Variants in GABRA4 observed in about 807,000 individuals in gnomAD.
GABRA4 encodes the protein gamma-aminobutyric acid type A receptor subunit alpha4.
A neutral mutation model predicts 49.7 loss-of-function variants in GABRA4; 12 were observed. The observed-to-expected ratio is 0.24, with a 90% CI of 0.15 to 0.39. GABRA4 has a LOEUF of 0.39. GABRA4 is among the 10% of genes least tolerant of loss of function. The pLI is 1.00. For missense variants in GABRA4, 506 were observed against 686.0 expected, an observed-to-expected ratio of 0.74 and a Z score of 2.93; for synonymous variants, 288 against 240.2, an observed-to-expected ratio of 1.20 and a Z score of -1.84.
At chr4:46,948,158 A>G (rs1310084388) in intron 8 of GABRA4, among the ~76,000 whole-genome samples, 1 of 152,150 alleles carries the variant, frequency 6.6e-6, no homozygotes, top group African/African-American at 2.4e-5. Context: ...ACAGCACCCT[A>G]AAATTATTCT....
At chr4:46,951,860 A>C (rs149621858) in intron 8 of GABRA4, among the ~76,000 whole-genome samples, 48 of 151,810 alleles carry the variant, frequency 3.2e-4, no homozygotes, top group African/African-American at 1.1e-3. Context: ...ATCCACATTA[A>C]ACTGACTGTA....
intron 5 of GABRA4, among the ~76,000 whole-genome samples, chr4:46,976,065 T>C (rs1239605399): frequency 6.6e-6 from 1 of 151,886 alleles, no homozygotes; most frequent in African/African-American, 2.4e-5. Context: ...CATCTATTTT[T>C]AGTAGATTCT....
intron 8 of GABRA4, among the ~76,000 whole-genome samples, chr4:46,930,634 CA>C (rs1234772767): frequency 1.4e-5 from 2 of 138,216 alleles, no homozygotes; most frequent in East Asian, 2.2e-4. Context: ...GAAAGAAATA[CA>C]TTTTTTTTTC....
chr4:46,942,244 C>G (rs1435960994), intron 8 of GABRA4, among the ~76,000 whole-genome samples: 1 of 152,122 alleles, frequency 6.6e-6, no homozygotes, highest in Admixed American at 6.6e-5. Flanking sequence ...AATCTGTGAG[C>G]TCTTCCAGCA....
At chr4:46,972,075 T>G (rs1050020821) in intron 6 of GABRA4, among the ~76,000 whole-genome samples, 3 of 151,646 alleles carry the variant, frequency 2.0e-5, no homozygotes, top group African/African-American at 7.2e-5. Flanking sequence ...CTACCAGATG[T>G]GTTCTAAATC....
At position 46,919,726 on chromosome 4, in the gene GABRA4, C is replaced by A. The variant is rs931945493; in HGVS notation, c.*8499G>T. On this transcript the variant is annotated 3_prime_UTR_variant, in exon 9 of 9. Coordinates refer to ENST00000264318, the MANE Select transcript of GABRA4 (RefSeq NM_000809.4). ...TTGTACAACACTTCAGCTGAGAAAT[C>A]AAAGAAAAGCTTTATTTCTTCTGGA... is the stretch of plus-strand genomic sequence containing the variant. 2 of 151,498 alleles carry A rather than the reference C, an allele frequency of 1.3e-5. No homozygotes were observed. The highest frequency in any genetic ancestry group is 4.8e-5 in the African/African-American group (2 of 41,380). 9.4% of individuals were successfully genotyped at this position (151,498 alleles called of 1,614,324 possible). A position where few individuals can be genotyped will look rare whatever the true frequency, so the allele number is the denominator to read the frequency against.
At chr4:46,967,693 G>T (rs563442940) in intron 7 of GABRA4, among the ~76,000 whole-genome samples, 1 of 151,452 alleles carries the variant, frequency 6.6e-6, no homozygotes, top group African/African-American at 2.4e-5. Context: ...TGGCTTAGCC[G>T]GCATCTACCC....
rs1354552419 is a variant in GABRA4, at chr4:46,974,244, T to C, written c.709A>G (p.Lys237Glu). Residue 237 changes from lysine to glutamate, a missense_variant, in exon 6 of 9, where the codon AAA (lysine) becomes GAA (glutamate). Coordinates refer to ENST00000264318, the MANE Select transcript of GABRA4 (RefSeq NM_000809.4). ...TTACACATCTCACCCGTAATTGATT[T>C]GATGGTTTCACTTGATACGGTTTGC... Reference protein sequence around the residue: ...IGQTVSSETIKSITGEYIVMT... With the variant: ...IGQTVSSETIESITGEYIVMT... The C allele has an allele frequency of 1.9e-6, 3 of 1,610,556 alleles. No individual in the cohort carries two copies. Among genetic ancestry groups the C allele is most frequent in the Admixed American group, 1.7e-5 (1 of 59,746 alleles).
At chr4:46,990,522 C>T (rs1032074645) in intron 2 of GABRA4, among the ~76,000 whole-genome samples, 1 of 152,138 alleles carries the variant, frequency 6.6e-6, no homozygotes, top group East Asian at 1.9e-4. Context: ...AATATAGTTT[C>T]AGTTCTAACT....
intron 8 of GABRA4, among the ~76,000 whole-genome samples, chr4:46,946,832 C>A (rs545339325): frequency 2.0e-5 from 3 of 152,096 alleles, no homozygotes; most frequent in South Asian, 2.1e-4. Context: ...CTTTTGAACA[C>A]AAAGCAATAA....
At chr4:46,952,849 TAAATA>T (rs1379572740) in intron 8 of GABRA4, among the ~76,000 whole-genome samples, 1 of 152,066 alleles carries the variant, frequency 6.6e-6, no homozygotes, top group East Asian at 1.9e-4. Flanking sequence ...GATTATAAAA[TAAATA>T]AAATATTGAA....
At chr4:46,985,899 A>C (rs1405243267) in intron 2 of GABRA4, among the ~76,000 whole-genome samples, 1 of 151,948 alleles carries the variant, frequency 6.6e-6, no homozygotes, top group Non-Finnish European at 1.5e-5. Context: ...TCTAATGTTA[A>C]ATATCCTGTA....
intron 8 of GABRA4, among the ~76,000 whole-genome samples, chr4:46,941,865 G>A (rs1041213161): frequency 1.3e-4 from 20 of 152,078 alleles, no homozygotes; most frequent in Non-Finnish European, 2.5e-4. Context: ...GGCTTAAAAG[G>A]TTTCCTCTGG....
intron 6 of GABRA4, among the ~76,000 whole-genome samples, chr4:46,973,605 T>A (rs980853519): frequency 1.3e-5 from 2 of 151,822 alleles, no homozygotes; most frequent in Admixed American, 6.6e-5. Flanking sequence ...GATATGTGTA[T>A]GTAAGGAACA....
At chr4:46,961,775 A>G (rs1485369050) in intron 8 of GABRA4, among the ~76,000 whole-genome samples, 1 of 151,860 alleles carries the variant, frequency 6.6e-6, no homozygotes, top group Non-Finnish European at 1.5e-5. Flanking sequence ...GGTTCAAAAA[A>G]GAAGCTGAGT....
intron 8 of GABRA4, among the ~76,000 whole-genome samples, chr4:46,956,151 T>G (rs1722353515): frequency 6.6e-6 from 1 of 152,128 alleles, no homozygotes; most frequent in South Asian, 2.1e-4. Flanking sequence ...AGAGCATTAC[T>G]AATTACAGAA....
intron 8 of GABRA4, among the ~76,000 whole-genome samples, chr4:46,956,149 AC>A: frequency 6.6e-6 from 1 of 152,108 alleles, no homozygotes; most frequent in South Asian, 2.1e-4. Flanking sequence ...AAAGAGCATT[AC>A]TAATTACAGA....
At chr4:46,956,012 T>C (rs1364296542) in intron 8 of GABRA4, among the ~76,000 whole-genome samples, 1 of 152,120 alleles carries the variant, frequency 6.6e-6, no homozygotes, top group African/African-American at 2.4e-5. Flanking sequence ...ATATCATTTC[T>C]CTACATATGA....
intron 8 of GABRA4, among the ~76,000 whole-genome samples, chr4:46,948,556 A>G (rs1418431841): frequency 6.6e-6 from 1 of 152,000 alleles, no homozygotes; most frequent in Admixed American, 6.6e-5. Context: ...TCATGTAGCT[A>G]TTTCTGAGAT....
Sources: gnomAD v4.1 joint callset for allele counts (sites outside exome capture counted in the v4.1 genomes callset) on GRCh38, gnomAD v4.1.1 for gene constraint, MANE v1.5 for transcripts, NCBI Gene and HGNC (gene_info 2026-07-23, HGNC 2026-07-21) for gene names.